The following RAD51B variants were observed in gnomAD, a reference collection of about 807,000 sequenced individuals.
RAD51B encodes DNA repair protein RAD51 homolog 2.
Under a neutral mutation model 42.2 loss-of-function variants are expected in RAD51B, and 38 were observed. The observed-to-expected ratio is 0.90, with a 90% CI of 0.70 to 1.18. The LOEUF is 1.18. RAD51B is among the 50% of genes most tolerant of loss of function. RAD51B has a pLI of 0.00. For missense variants in RAD51B, 373 were observed against 400.7 expected, an observed-to-expected ratio of 0.93 and a Z score of 0.59; for synonymous variants, 154 against 145.2, an observed-to-expected ratio of 1.06 and a Z score of -0.43.
At chr14:68,041,529 C>T (rs985663999) in intron 7 of RAD51B, among the ~76,000 whole-genome samples, 9 of 151,930 alleles carry the variant, frequency 5.9e-5, no homozygotes, top group African/African-American at 2.2e-4. Context: ...AATTGGAGTA[C>T]CAGGACTAGC....
At chr14:67,841,145 A>G (rs946632299) in intron 4 of RAD51B, among the ~76,000 whole-genome samples, 4 of 152,214 alleles carry the variant, frequency 2.6e-5, no homozygotes, top group African/African-American at 9.6e-5. Context: ...GTGAGATGGT[A>G]TCTCATTGTG....
intron 5 of RAD51B, among the ~76,000 whole-genome samples, chr14:67,881,214 C>T (rs756834940): frequency 6.6e-6 from 1 of 152,162 alleles, no homozygotes; most frequent in Non-Finnish European, 1.5e-5. Flanking sequence ...TGTCGTTATG[C>T]AGCACATGAC....
intron 7 of RAD51B, among the ~76,000 whole-genome samples, chr14:67,940,942 T>C (rs2045182837): frequency 6.6e-6 from 1 of 152,206 alleles, no homozygotes; most frequent in Non-Finnish European, 1.5e-5. Context: ...TACAACGTGG[T>C]CATATGCTTG....
chr14:67,955,981 C>T (rs1040180416), intron 7 of RAD51B, among the ~76,000 whole-genome samples: 5 of 152,176 alleles, frequency 3.3e-5, no homozygotes, highest in Non-Finnish European at 7.3e-5. Context: ...TCCCTAGTTC[C>T]TTTCCTGAAA....
intron 7 of RAD51B, among the ~76,000 whole-genome samples, chr14:68,072,399 C>T (rs1472271678): frequency 2.6e-5 from 4 of 151,758 alleles, no homozygotes; most frequent in Non-Finnish European, 5.9e-5. Flanking sequence ...AACTGAAGAA[C>T]TTGAAGTCCA....
At chr14:68,517,670 T>G (rs75598890) in intron 10 of RAD51B, among the ~76,000 whole-genome samples, 2,586 of 152,330 alleles carry the variant, frequency 0.017, 69 homozygotes, top group African/African-American at 0.059. Flanking sequence ...AAGACGTATA[T>G]GTACCAGGTC....
At chr14:68,274,683 T>C (rs998683642) in intron 7 of RAD51B, among the ~76,000 whole-genome samples, 1 of 152,236 alleles carries the variant, frequency 6.6e-6, no homozygotes. Context: ...TTAATAATTA[T>C]GTCAGAAATA....
intron 5 of RAD51B, among the ~76,000 whole-genome samples, chr14:67,873,373 C>G (rs1429985516): frequency 6.6e-6 from 1 of 152,118 alleles, no homozygotes; most frequent in African/African-American, 2.4e-5. Flanking sequence ...AAATGCAACT[C>G]AAAACCACAA....
In RAD51B at chr14:67,835,175, G is replaced by C. The variant is rs545691368; in HGVS notation, c.294G>C (p.Val98=). 87 of 1,613,580 alleles carry C rather than the reference G, an allele frequency of 5.4e-5. 2 individuals are homozygous for C. In the South Asian group the frequency reaches 9.2e-4, roughly 17 times the overall value. ...TGGACGAAGCCCTGCATGGTGGTGTGGCTTGTGGATCCCTCACAGAGGTAA... is the reference window on the plus strand; with the variant it reads ...TGGACGAAGCCCTGCATGGTGGTGTCGCTTGTGGATCCCTCACAGAGGTAA... ...SALDEALHGG[V]ACGSLTEITG... The change falls in exon 4 of 11, where the codon GTG becomes GTC. Residue 98 remains valine (V), a synonymous_variant. Transcript: ENST00000471583.
intron 8 of RAD51B, among the ~76,000 whole-genome samples, chr14:68,372,437 G>T (rs908429562): frequency 1.3e-5 from 2 of 152,082 alleles, no homozygotes; most frequent in African/African-American, 4.8e-5. Flanking sequence ...ATGTAGTAAT[G>T]CTGGAGAGGA....
At chr14:68,646,089 A>G (rs888494321) in intron 10 of RAD51B, among the ~76,000 whole-genome samples, 17 of 151,862 alleles carry the variant, frequency 1.1e-4, no homozygotes, top group African/African-American at 3.9e-4. Context: ...TGCCAAATCT[A>G]GCAATCCAAC....
intron 7 of RAD51B, among the ~76,000 whole-genome samples, chr14:68,277,471 A>G (rs1230076485): frequency 6.6e-6 from 1 of 152,206 alleles, no homozygotes; most frequent in Non-Finnish European, 1.5e-5. Context: ...ACCATGAGAT[A>G]TGGAGTCAGA....
chr14:68,206,853 G>T (rs528503355), intron 7 of RAD51B, among the ~76,000 whole-genome samples: 1 of 148,620 alleles, frequency 6.7e-6, no homozygotes, highest in South Asian at 2.1e-4. Context: ...GCAGTGGCGC[G>T]ATCTCGGCTC....
At chr14:67,878,546 G>A (rs187122283) in intron 5 of RAD51B, among the ~76,000 whole-genome samples, 2 of 152,014 alleles carry the variant, frequency 1.3e-5, no homozygotes, top group Admixed American at 6.6e-5. Flanking sequence ...CTTTATGGCT[G>A]TAGTTTTTAA....
At chr14:68,154,139 A>T (rs2078450049) in intron 7 of RAD51B, among the ~76,000 whole-genome samples, 1 of 152,140 alleles carries the variant, frequency 6.6e-6, no homozygotes, top group Admixed American at 6.5e-5. Flanking sequence ...GTTATCTTTG[A>T]TTAGATACCA....
intron 10 of RAD51B, among the ~76,000 whole-genome samples, chr14:68,645,819 T>C (rs1892553311): frequency 6.6e-6 from 1 of 152,220 alleles, no homozygotes; most frequent in East Asian, 1.9e-4. Context: ...GATTTTTTTC[T>C]TTCAATATTT....
At chr14:67,977,166 C>A (rs956191092) in intron 7 of RAD51B, among the ~76,000 whole-genome samples, 2 of 152,306 alleles carry the variant, frequency 1.3e-5, no homozygotes, top group East Asian at 1.9e-4. Flanking sequence ...ATATGTCTTT[C>A]CAACTAGAAT....
chr14:68,035,623 T>A (rs2076109391), intron 7 of RAD51B, among the ~76,000 whole-genome samples: 1 of 152,208 alleles, frequency 6.6e-6, no homozygotes, highest in African/African-American at 2.4e-5. Flanking sequence ...CTGGCATATA[T>A]CCAGAAGCTA....
intron 7 of RAD51B, among the ~76,000 whole-genome samples, chr14:67,970,369 T>G (rs1303383827): frequency 6.6e-6 from 1 of 152,146 alleles, no homozygotes; most frequent in Non-Finnish European, 1.5e-5. Flanking sequence ...GGTAGAACAG[T>G]GCTAAAAACT....
Sources: gnomAD v4.1 joint callset for allele counts (sites outside exome capture counted in the v4.1 genomes callset) on GRCh38, gnomAD v4.1.1 for gene constraint, MANE v1.5 for transcripts, NCBI Gene and HGNC (gene_info 2026-07-23, HGNC 2026-07-21) for gene names.